TRPC7: variants seen among roughly 807,000 people sequenced by gnomAD.
TRPC7 encodes short transient receptor potential channel 7.
A neutral mutation model predicts 90.1 loss-of-function variants in TRPC7; 42 were observed. The observed-to-expected ratio is 0.47, with a 90% CI of 0.36 to 0.60. The LOEUF (loss-of-function observed/expected upper bound fraction) is 0.60. TRPC7 is among the 20% of genes least tolerant of loss of function. TRPC7 has a pLI of 0.00. For synonymous variants in TRPC7, 451 were observed against 436.3 expected, an observed-to-expected ratio of 1.03 and a Z score of -0.42; for missense variants, 955 against 1,112.3, an observed-to-expected ratio of 0.86 and a Z score of 2.01.
At chr5:136,292,143 G>A (rs1455072283) in intron 3 of TRPC7, among the ~76,000 whole-genome samples, 7 of 152,194 alleles carry the variant, frequency 4.6e-5, no homozygotes, top group Non-Finnish European at 8.8e-5. Context: ...ATTCAAAGCA[G>A]TGTGTAGAGG....
chr5:136,348,058 T>C (rs1016777456), intron 2 of TRPC7, among the ~76,000 whole-genome samples: 1 of 152,248 alleles, frequency 6.6e-6, no homozygotes, highest in African/African-American at 2.4e-5. Context: ...TCTTCCTACA[T>C]AGGCCTTCCA....
At chr5:136,233,710 A>G (rs1236284777) in intron 7 of TRPC7, among the ~76,000 whole-genome samples, 2 of 152,240 alleles carry the variant, frequency 1.3e-5, no homozygotes, top group Non-Finnish European at 2.9e-5. Flanking sequence ...GGCTTTACCC[A>G]AATTCATCTT....
chr5:136,331,103 G>A (rs931180621), intron 2 of TRPC7, among the ~76,000 whole-genome samples: 3 of 152,072 alleles, frequency 2.0e-5, no homozygotes, highest in Admixed American at 2.0e-4. Flanking sequence ...TTCCAAAGGG[G>A]GTAGCATGGT....
rs1172211553 is a variant in TRPC7, at chr5:136,225,283, G to T, written c.2334C>A (p.Thr778=). 6.2e-7 allele frequency: 1 copy of T among 1,612,894 alleles called. No individual in the cohort carries two copies. The highest frequency in any genetic ancestry group is 1.1e-5 in the South Asian group (1 of 90,634). Residue 778 remains threonine (T), a synonymous_variant, in exon 10 of 12, where the codon ACC becomes ACA. Transcript: ENST00000513104. ...LTANNTLSKP[T]RYQKIMKRLI... The stretch of plus-strand genomic sequence containing the variant: ...GGAAAGGGGTGGTTACCTGGTATCT[G>T]GTGGGCTTGCTCAAAGTGTTATTTG...
intron 3 of TRPC7, among the ~76,000 whole-genome samples, chr5:136,286,989 G>A (rs1295366412): frequency 6.6e-6 from 1 of 152,142 alleles, no homozygotes; most frequent in Non-Finnish European, 1.5e-5. Flanking sequence ...TCAAAATCTT[G>A]TTAATTTCCT....
intron 3 of TRPC7, among the ~76,000 whole-genome samples, chr5:136,282,731 A>ATG (rs1491177597): frequency 3.3e-5 from 5 of 152,108 alleles, no homozygotes; most frequent in African/African-American, 1.2e-4. Context: ...TAGAAATAAC[A>ATG]TGTGTGTAAC....
intron 7 of TRPC7, among the ~76,000 whole-genome samples, chr5:136,234,279 C>T (rs749954559): frequency 2.0e-5 from 3 of 152,026 alleles, no homozygotes; most frequent in Admixed American, 6.6e-5. Flanking sequence ...CTAGGCAGGA[C>T]GGGGTCTTAG....
intron 2 of TRPC7, among the ~76,000 whole-genome samples, chr5:136,321,070 G>T (rs977791673): frequency 2.0e-5 from 3 of 152,154 alleles, no homozygotes; most frequent in African/African-American, 7.2e-5. Flanking sequence ...CACTCAGTAA[G>T]TTACTTGTTT....
At chr5:136,284,929 C>G (rs1757662396) in intron 3 of TRPC7, among the ~76,000 whole-genome samples, 1 of 152,214 alleles carries the variant, frequency 6.6e-6, no homozygotes, top group Non-Finnish European at 1.5e-5. Context: ...GAGCAAGTTA[C>G]TTCACCCCTG....
intron 1 of TRPC7, among the ~76,000 whole-genome samples, chr5:136,359,566 G>C (rs947133981): frequency 9.9e-5 from 15 of 152,158 alleles, no homozygotes. Flanking sequence ...CTGCTCAATG[G>C]TACCAAAGGC....
At chr5:136,243,004 G>A (rs182814695) in intron 7 of TRPC7, among the ~76,000 whole-genome samples, 108 of 152,318 alleles carry the variant, frequency 7.1e-4, no homozygotes, top group Middle Eastern at 3.4e-3. Flanking sequence ...GGGAGTGGCC[G>A]GAGGGAGGCG....
At chr5:136,302,201 C>T (rs1650751658) in intron 3 of TRPC7, among the ~76,000 whole-genome samples, 1 of 152,230 alleles carries the variant, frequency 6.6e-6, no homozygotes, top group Non-Finnish European at 1.5e-5. Context: ...TTAATCATTG[C>T]AGGGACACCT....
chr5:136,289,531 G>A (rs1757857054), intron 3 of TRPC7, among the ~76,000 whole-genome samples: 2 of 152,254 alleles, frequency 1.3e-5, no homozygotes, highest in Admixed American at 1.3e-4. Flanking sequence ...TATGCCCACG[G>A]AGCCTTGCTC....
chr5:136,280,258 G>T (rs887558424), intron 3 of TRPC7, among the ~76,000 whole-genome samples: 3 of 152,180 alleles, frequency 2.0e-5, no homozygotes, highest in Non-Finnish European at 4.4e-5. Context: ...ACACCTATGG[G>T]TCTTATTCTG....
intron 5 of TRPC7, among the ~76,000 whole-genome samples, chr5:136,259,498 C>T (rs1756786673): frequency 6.6e-6 from 1 of 152,234 alleles, no homozygotes; most frequent in African/African-American, 2.4e-5. Context: ...CAGGCATTTA[C>T]TCCTAGATGG....
chr5:136,213,528 A>G lies in TRPC7; in HGVS notation c.2496T>C (p.Gly832=). ...GTTGTTGAATCAGGTCTGCCAGCTC[A>G]CCAGTAGCTTGAGATTTTTCCTCAA... ...ELLEEKSQAT[G]ELADLIQQLS... is the part of the protein sequence containing the mutation. The change falls in exon 12 of 12, where the codon GGT becomes GGC. Residue 832 remains glycine (G), a synonymous_variant. Transcript: ENST00000513104. The G allele has an allele frequency of 6.2e-7, 1 of 1,614,020 alleles. No individual in the cohort carries two copies. The highest frequency in any genetic ancestry group is 8.5e-7 in the Non-Finnish European group (1 of 1,179,892).
chr5:136,321,575 T>C (rs1295580799), intron 2 of TRPC7, among the ~76,000 whole-genome samples: 2 of 152,078 alleles, frequency 1.3e-5, no homozygotes, highest in South Asian at 4.1e-4. Context: ...AATAACAAGA[T>C]AAAAACTTAA....
At position 136,222,267 on chromosome 5, in the gene TRPC7, C is replaced by G. The variant is rs151020070; in HGVS notation, c.2343+3007G>C. ...AACAGCTGAATGAACACCTGAAATG[C>G]TAACAGTCGAGAAATCGAATGAAGA... On this transcript the variant is annotated intron_variant, in intron 10 of 11. Coordinates refer to ENST00000513104, the MANE Select transcript of TRPC7 (RefSeq NM_020389.3). 2.6e-5 allele frequency: 4 copies of G among 152,216 alleles called. No homozygotes were observed. The East Asian group carries it at 7.7e-4, about 29-fold the overall frequency. The allele number at this position is 152,216 out of a possible 1,614,324, so 9.4% of individuals were successfully genotyped here. A position where few individuals can be genotyped will look rare whatever the true frequency, so the allele number is the denominator to read the frequency against.
In TRPC7 at chr5:136,315,714, T is replaced by G; in HGVS notation, c.846A>C (p.Arg282=). 1 of 1,614,090 alleles carries G rather than the reference T, an allele frequency of 6.2e-7. No individual in the cohort carries two copies. The highest frequency in any genetic ancestry group is 8.5e-7 in the Non-Finnish European group (1 of 1,179,964). Residue 282 remains arginine (R), a synonymous_variant, in exon 3 of 12, where the codon CGA becomes CGC. Coordinates refer to ENST00000513104, the MANE Select transcript of TRPC7 (RefSeq NM_020389.3). ...DFVVGVLDLC[R]DTEEVEAILN... is the part of the protein sequence containing the mutation. Reference sequence around the variant, plus strand: ...AAATTGCTTCCACCTCTTCTGTGTCTCGGCACAGGTCCAGCACGCCCACTA... The same window carrying G: ...AAATTGCTTCCACCTCTTCTGTGTCGCGGCACAGGTCCAGCACGCCCACTA...
Sources: allele counts gnomAD v4.1 joint callset (sites outside exome capture counted in the v4.1 genomes callset), GRCh38; gene constraint gnomAD v4.1.1; transcripts MANE v1.5; gene names NCBI Gene and HGNC (gene_info 2026-07-23, HGNC 2026-07-21).